The following CTNND2 variants were observed in gnomAD, a reference collection of about 807,000 sequenced individuals.
CTNND2 encodes the protein catenin delta 2, also known as catenin delta-2.
Under a neutral mutation model 144.4 loss-of-function variants are expected in CTNND2, and 22 were observed. That is an observed-to-expected ratio of 0.15 (90% CI 0.11 to 0.22). The LOEUF is 0.22. Among genes scored for constraint, CTNND2 ranks in the 10% least tolerant of loss-of-function variants. The pLI is 1.00. For missense variants in CTNND2, 1,353 were observed against 1,618.8 expected, an observed-to-expected ratio of 0.84 and a Z score of 2.82; for synonymous variants, 751 against 695.6, an observed-to-expected ratio of 1.08 and a Z score of -1.25.
At chr5:11,837,384 G>A (rs994413788) in intron 1 of CTNND2, among the ~76,000 whole-genome samples, 3 of 152,212 alleles carry the variant, frequency 2.0e-5, no homozygotes, top group African/African-American at 4.8e-5. Context: ...AAATAAATGT[G>A]ATGATGTGAA....
At chr5:11,743,289 G>C (rs1439577654) in intron 1 of CTNND2, among the ~76,000 whole-genome samples, 1 of 152,126 alleles carries the variant, frequency 6.6e-6, no homozygotes, top group African/African-American at 2.4e-5. Context: ...TTTGCATTAG[G>C]AGCATTTCTC....
At chr5:11,382,617 G>GTC (rs1758626334) in intron 7 of CTNND2, among the ~76,000 whole-genome samples, 4 of 150,982 alleles carry the variant, frequency 2.6e-5, no homozygotes, top group Non-Finnish European at 4.4e-5. Flanking sequence ...GTGTGTGTGT[G>GTC]TGTGTGTGTG....
chr5:11,886,863 C>T (rs1299931223), intron 1 of CTNND2, among the ~76,000 whole-genome samples: 1 of 151,224 alleles, frequency 6.6e-6, no homozygotes, highest in Non-Finnish European at 1.5e-5. Context: ...ATGCTCTTTG[C>T]TTCTATAAAA....
intron 16 of CTNND2, among the ~76,000 whole-genome samples, chr5:11,077,580 T>G (rs1045600869): frequency 6.6e-6 from 1 of 152,182 alleles, no homozygotes; most frequent in Admixed American, 6.5e-5. Flanking sequence ...CTTCCACATC[T>G]GCCCTGCAAA....
intron 3 of CTNND2, among the ~76,000 whole-genome samples, chr5:11,469,718 T>C (rs1242735582): frequency 6.6e-6 from 1 of 152,214 alleles, no homozygotes; most frequent in African/African-American, 2.4e-5. Flanking sequence ...TTTTCTTAGG[T>C]AATTTTAAAT....
chr5:11,817,772 A>C (rs1050193121), intron 1 of CTNND2, among the ~76,000 whole-genome samples: 4 of 152,128 alleles, frequency 2.6e-5, no homozygotes, highest in African/African-American at 9.7e-5. Flanking sequence ...GTTCAGCTCA[A>C]TCAGGGCTCA....
chr5:11,577,071 G>A (rs571616586), intron 2 of CTNND2, among the ~76,000 whole-genome samples: 5 of 152,186 alleles, frequency 3.3e-5, no homozygotes, highest in Admixed American at 1.3e-4. Context: ...TGAGTCTTTC[G>A]CACTTTGCCT....
chr5:11,589,228 G>C (rs1035919736), intron 2 of CTNND2, among the ~76,000 whole-genome samples: 4 of 150,670 alleles, frequency 2.7e-5, no homozygotes, highest in African/African-American at 7.3e-5. Context: ...CTAATCTTCC[G>C]TTCCTTTGCT....
chr5:10,992,296 C>T (rs568001718), intron 19 of CTNND2, among the ~76,000 whole-genome samples: 1 of 152,344 alleles, frequency 6.6e-6, no homozygotes, highest in South Asian at 2.1e-4. Context: ...TCTTTATACT[C>T]GTTCCTCCTG....
Position 11,569,994 on chromosome 5 carries a change from T to G in CTNND2, c.175-4938A>C, listed in dbSNP as rs10050500. 2.8e-3 allele frequency among the ~76,000 whole-genome samples: 430 copies of G among 152,062 alleles called. 2 individuals carry two copies. Among genetic ancestry groups the G allele is most frequent in the Non-Finnish European group, 4.6e-3 (313 of 67,938 alleles). Reference sequence around the variant, plus strand: ...TTTATGGTATTTGGTTATAGCAACCTAAACAGCCTAAGACAAGATGCACAT... The same window carrying G: ...TTTATGGTATTTGGTTATAGCAACCGAAACAGCCTAAGACAAGATGCACAT... On this transcript the variant is annotated intron_variant, in intron 2 of 21. Transcript: ENST00000304623.
intron 1 of CTNND2, among the ~76,000 whole-genome samples, chr5:11,768,391 G>A (rs1226200216): frequency 2.0e-5 from 3 of 152,204 alleles, no homozygotes; most frequent in Non-Finnish European, 4.4e-5. Flanking sequence ...CCAGGCTGAA[G>A]CAATTCTCCT....
chr5:11,876,024 A>G (rs1301224389), intron 1 of CTNND2, among the ~76,000 whole-genome samples: 2 of 152,236 alleles, frequency 1.3e-5, no homozygotes, highest in African/African-American at 4.8e-5. Flanking sequence ...TAATTTTGTA[A>G]CAGCTATAGC....
chr5:11,655,061 G>A (rs548389213), intron 2 of CTNND2, among the ~76,000 whole-genome samples: 36 of 152,048 alleles, frequency 2.4e-4, no homozygotes, highest in African/African-American at 5.5e-4. Flanking sequence ...AATTCTAATC[G>A]TTTATCAGTC....
intron 9 of CTNND2, among the ~76,000 whole-genome samples, chr5:11,319,777 T>G (rs1580894100): frequency 1.3e-5 from 2 of 152,256 alleles, no homozygotes; most frequent in South Asian, 4.1e-4. Flanking sequence ...AGCCTCGGCC[T>G]CCCAAAGTGC....
At chr5:11,276,656 T>G (rs1746564537) in intron 9 of CTNND2, among the ~76,000 whole-genome samples, 1 of 152,222 alleles carries the variant, frequency 6.6e-6, no homozygotes, top group African/African-American at 2.4e-5. Flanking sequence ...TAATGTGACC[T>G]TATTTGAAAG....
chr5:11,459,064 C>T (rs541789169), intron 3 of CTNND2, among the ~76,000 whole-genome samples: 84 of 152,244 alleles, frequency 5.5e-4, no homozygotes, highest in African/African-American at 2.0e-3. Context: ...GCCACCATGC[C>T]TGGCCCTTAA....
intron 1 of CTNND2, among the ~76,000 whole-genome samples, chr5:11,895,280 C>T (rs1378735306): frequency 6.6e-6 from 1 of 152,168 alleles, no homozygotes; most frequent in African/African-American, 2.4e-5. Flanking sequence ...GCCAGAATTA[C>T]AGAAAAGCAT....
At chr5:11,049,718 T>G (rs75966149) in intron 16 of CTNND2, among the ~76,000 whole-genome samples, 1,701 of 152,298 alleles carry the variant, frequency 0.011, 24 homozygotes, top group African/African-American at 0.04. Flanking sequence ...CACCCCTTTG[T>G]GCATGGAATG....
At chr5:11,273,640 G>C (rs1746242259) in intron 9 of CTNND2, among the ~76,000 whole-genome samples, 1 of 152,200 alleles carries the variant, frequency 6.6e-6, no homozygotes, top group South Asian at 2.1e-4. Flanking sequence ...TACTTAATAA[G>C]CATTGCAGGG....
Sources: gnomAD v4.1 joint callset for allele counts (sites outside exome capture counted in the v4.1 genomes callset) on GRCh38, gnomAD v4.1.1 for gene constraint, MANE v1.5 for transcripts, NCBI Gene and HGNC (gene_info 2026-07-23, HGNC 2026-07-21) for gene names.